The following AMOTL1 variants were observed in gnomAD, a reference collection of about 807,000 sequenced individuals.
AMOTL1 encodes angiomotin like 1.
AMOTL1 carries 45 observed loss-of-function variants against 102.9 expected under a neutral mutation model. The observed-to-expected ratio is 0.44, with a 90% CI of 0.34 to 0.56. The LOEUF is 0.56. AMOTL1 is among the 20% of genes least tolerant of loss of function. The pLI is 0.01. For missense variants in AMOTL1, 1,114 were observed against 1,225.6 expected (o/e 0.91, Z 1.36); for synonymous variants, 481 against 484.7 (o/e 0.99, Z 0.10).
rs930667232 is a variant in AMOTL1, at chr11:94,729,127, G to A, written c.85+72G>A. The A allele has an allele frequency of 1.1e-5, 12 of 1,101,334 alleles. No individual in the cohort carries two copies. In the Admixed American group the frequency reaches 1.6e-4, roughly 15 times the overall value. 68.2% of individuals were successfully genotyped at this position (1,101,334 alleles called of 1,614,324 possible). A position where few individuals can be genotyped will look rare whatever the true frequency, so the allele number is the denominator to read the frequency against. On this transcript the variant is annotated intron_variant, in intron 2 of 4. Coordinates refer to the AMOTL1 transcript ENST00000299004. ...CTGCACCTCATTATGTCAATCCACT[G>A]TACTCAGTACGTGCCCACGCTGTTT... is the stretch of plus-strand genomic sequence containing the variant.
intron 1 of AMOTL1, 145 bp from the exon 2 acceptor site, chr11:94,794,866 T>A: frequency 5.3e-6 from 5 of 940,902 alleles, no homozygotes; most frequent in Non-Finnish European, 4.6e-6. Flanking sequence ...AATAGTAACT[T>A]TGGAATTTTA....
chr11:94,806,956 G>A (rs767898586), intron 3 of AMOTL1, among the ~76,000 whole-genome samples: 32 of 152,128 alleles, frequency 2.1e-4, no homozygotes, highest in Non-Finnish European at 3.8e-4. Flanking sequence ...CTTCCTTCCG[G>A]TAGCAAATTG....
intron 6 of AMOTL1, among the ~76,000 whole-genome samples, chr11:94,835,245 C>T (rs1952153980): frequency 6.6e-6 from 1 of 152,202 alleles, no homozygotes; most frequent in African/African-American, 2.4e-5. Flanking sequence ...AAACCAGGGC[C>T]TCTAGCCAAC....
In AMOTL1 at chr11:94,869,456, G is replaced by A. The variant is rs927941300; in HGVS notation, c.2747G>A (p.Gly916Glu). 1.2e-6 allele frequency: 2 copies of A among 1,600,902 alleles called. No homozygotes were observed. The highest frequency in any genetic ancestry group is 1.7e-6 in the Non-Finnish European group (2 of 1,173,820). ...SPVLKHPAAK[G>E]TAEKLENSPG... ...GTCCTGAAACACCCAGCGGCCAAAGGGACCGCAGAGAAACTGGGTATGTGG... is the reference window on the plus strand; with the variant it reads ...GTCCTGAAACACCCAGCGGCCAAAGAGACCGCAGAGAAACTGGGTATGTGG... The change falls in exon 12 of 13, where the codon GGG (glycine) becomes GAG (glutamate). Residue 916 changes from glycine to glutamate, a missense_variant. Physicochemically the swap from Gly to Glu is moderately conservative, Grantham distance 98 (BLOSUM62 -2). Coordinates refer to ENST00000433060, the MANE Select transcript of AMOTL1 (RefSeq NM_130847.3).
intron 3 of AMOTL1, among the ~76,000 whole-genome samples, chr11:94,814,409 A>G (rs990141153): frequency 1.3e-5 from 2 of 152,216 alleles, no homozygotes; most frequent in Non-Finnish European, 2.9e-5. Context: ...ACGATGGACA[A>G]TGTGCAGGCA....
chr11:94,729,027 A>G, exon 2 of AMOTL1: 1 of 1,289,084 alleles, frequency 7.8e-7, no homozygotes, highest in African/African-American at 1.5e-5. Flanking sequence ...CCCATGCTGG[A>G]ATTCATCATT....
intron 3 of AMOTL1, among the ~76,000 whole-genome samples, chr11:94,761,075 A>AGGACTTTATTTTTTCTAGT: frequency 6.6e-6 from 1 of 151,838 alleles, no homozygotes; most frequent in East Asian, 2.0e-4. Context: ...TGCTCGGCCA[A>AGGACTTTATTTTTTCTAGT]TATTTCTGAA....
chr11:94,754,292 C>A (rs925539597), intron 3 of AMOTL1, among the ~76,000 whole-genome samples: 3 of 152,184 alleles, frequency 2.0e-5, no homozygotes, highest in African/African-American at 7.2e-5. Context: ...CACAGTGTGA[C>A]CCGAACGGCA....
chr11:94,736,212 T>G (rs978812635), intron 2 of AMOTL1, among the ~76,000 whole-genome samples: 4 of 152,222 alleles, frequency 2.6e-5, no homozygotes, highest in African/African-American at 4.8e-5. Context: ...CAATCTGGCA[T>G]GCTCTAGCCC....
chr11:94,762,148 C>T (rs1950801371), intron 3 of AMOTL1, among the ~76,000 whole-genome samples: 1 of 151,948 alleles, frequency 6.6e-6, no homozygotes, highest in South Asian at 2.1e-4. Flanking sequence ...TTTTTTTGCT[C>T]ATGAAAAGAG....
At chr11:94,730,007 C>T (rs1257640036) in intron 2 of AMOTL1, among the ~76,000 whole-genome samples, 3 of 152,114 alleles carry the variant, frequency 2.0e-5, no homozygotes, top group Non-Finnish European at 4.4e-5. Context: ...ATGAGATAGT[C>T]GCCAAAGGGA....
At chr11:94,780,591 T>C (rs1332441658) in intron 1 of AMOTL1, among the ~76,000 whole-genome samples, 1 of 152,254 alleles carries the variant, frequency 6.6e-6, no homozygotes. Context: ...GATTTGATCA[T>C]CTCTTGAAAG....
At chr11:94,797,035 T>C (rs1951381673) in intron 2 of AMOTL1, 2 of 983,214 alleles carry the variant, frequency 2.0e-6, no homozygotes, top group Non-Finnish European at 1.2e-6. Flanking sequence ...GAAGTGAATA[T>C]GACACTTCTA....
intron 2 of AMOTL1, among the ~76,000 whole-genome samples, chr11:94,798,743 G>A (rs1194559716): frequency 2.0e-5 from 3 of 152,186 alleles, no homozygotes; most frequent in Non-Finnish European, 4.4e-5. Context: ...AGAGAGGCAG[G>A]AGCCAGGACC....
At chr11:94,752,829 C>G (rs569378332) in intron 3 of AMOTL1, among the ~76,000 whole-genome samples, 1 of 152,238 alleles carries the variant, frequency 6.6e-6, no homozygotes, top group East Asian at 1.9e-4. Context: ...GTGGAAAATA[C>G]AGGGTTTGGG....
intron 6 of AMOTL1, among the ~76,000 whole-genome samples, chr11:94,847,130 A>G (rs1258700116): frequency 1.3e-5 from 2 of 152,190 alleles, no homozygotes; most frequent in South Asian, 2.1e-4. Context: ...GAGGTCTACA[A>G]AACACCCCAG....
At chr11:94,859,293 C>A (rs1378172705) in intron 8 of AMOTL1, among the ~76,000 whole-genome samples, 2 of 152,178 alleles carry the variant, frequency 1.3e-5, no homozygotes, top group African/African-American at 4.8e-5. Flanking sequence ...AGAGACATTG[C>A]ATCATTAATT....
chr11:94,725,555 A>T (rs980677603), intron 1 of AMOTL1, among the ~76,000 whole-genome samples: 2 of 152,168 alleles, frequency 1.3e-5, no homozygotes, highest in Non-Finnish European at 2.9e-5. Flanking sequence ...CATAACTATG[A>T]ACTAAACTAT....
rs116774299 is a variant in AMOTL1 at position 94,814,513 on chromosome 11, C to T, written c.1122-7017C>T. On this transcript the variant is annotated intron_variant, in intron 3 of 12. Transcript: ENST00000433060. ...CAAGCAGATCTGAGCTTAGTGTAAA[C>T]GAGGGAGAAGGAGTGTCAGAAGGGA... 1.3e-3 allele frequency among the ~76,000 whole-genome samples: 192 copies of T among 152,164 alleles called. 1 individual carries two copies. Among genetic ancestry groups the T allele is most frequent in the African/African-American group, 4.3e-3 (179 of 41,516 alleles).
Sources: gnomAD v4.1 joint callset for allele counts (sites outside exome capture counted in the v4.1 genomes callset) on GRCh38, gnomAD v4.1.1 for gene constraint, MANE v1.5 for transcripts, NCBI Gene and HGNC (gene_info 2026-07-23, HGNC 2026-07-21) for gene names.